BTNL8: variants seen among roughly 807,000 people sequenced by gnomAD.
The protein encoded by BTNL8 is butyrophilin-like protein 8.
Under a neutral mutation model 36.1 loss-of-function variants are expected in BTNL8, and 22 were observed. That is an observed-to-expected ratio of 0.61 (90% confidence interval 0.44 to 0.87). BTNL8 has a LOEUF of 0.87. Ranked by LOEUF, BTNL8 falls within the 40% of genes least tolerant of loss-of-function variation. The pLI, the probability that BTNL8 is intolerant of heterozygous loss-of-function variation, is 0.00. For missense variants in BTNL8, 526 were observed against 616.9 expected (o/e 0.85, Z 1.56); for synonymous variants, 203 against 235.6 (o/e 0.86, Z 1.27).
rs1171451126 is a variant in BTNL8, at chr5:180,945,801, C to G, written c.674-1711C>G. 9.8e-6 allele frequency: 5 copies of G among 511,608 alleles called. No individual in the cohort carries two copies. The Admixed American group carries it at 9.8e-5, about 10-fold the overall frequency. 31.7% of individuals were successfully genotyped at this position (511,608 alleles called of 1,614,324 possible). ...CTGGAGCCACTCATGAAAATTCGGTCAGGGTTCTTGCTCTTGTCGAGTCTG... is the reference window on the plus strand; with the variant it reads ...CTGGAGCCACTCATGAAAATTCGGTGAGGGTTCTTGCTCTTGTCGAGTCTG... On this transcript the variant is annotated intron_variant, in intron 3 of 7. Transcript: ENST00000340184.
chr5:180,946,730 T>C (rs929143478), intron 3 of BTNL8, among the ~76,000 whole-genome samples: 2 of 152,232 alleles, frequency 1.3e-5, no homozygotes, highest in African/African-American at 2.4e-5. Flanking sequence ...ATATATTGTA[T>C]ATTTCAGAAT....
rs1044515731 is a variant in BTNL8 at position 180,909,485 on chromosome 5, A to T, written c.397+552A>T. 5 of 954,656 alleles carry T rather than the reference A, an allele frequency of 5.2e-6. No individual in the cohort carries two copies. The African/African-American group carries it at 8.9e-5, about 17-fold the overall frequency. 59.1% of individuals were successfully genotyped at this position (954,656 alleles called of 1,614,324 possible). A position where few individuals can be genotyped will look rare whatever the true frequency, so the allele number is the denominator to read the frequency against. On this transcript the variant is annotated intron_variant, in intron 2 of 7. Coordinates refer to ENST00000340184, the MANE Select transcript of BTNL8 (RefSeq NM_001040462.3). ...TGTTTATCTGATACAGCAGGGAGCA[A>T]ACGTCAGCTCCAGGAAGCTGTGACT...
chr5:180,927,494 A>G (rs1758160121), intron 3 of BTNL8, among the ~76,000 whole-genome samples: 1 of 152,244 alleles, frequency 6.6e-6, no homozygotes, highest in African/African-American at 2.4e-5. Flanking sequence ...ATGAATTGAC[A>G]GAAGTAGGCT....
At chr5:180,914,694 T>C (rs917777771) in intron 3 of BTNL8, among the ~76,000 whole-genome samples, 18 of 152,146 alleles carry the variant, frequency 1.2e-4, no homozygotes, top group African/African-American at 4.3e-4. Flanking sequence ...AGTGACATGA[T>C]TAGGATGGTG....
intron 3 of BTNL8, 149 bp from the exon 4 acceptor site, chr5:180,947,363 A>G: frequency 8.7e-7 from 1 of 1,145,954 alleles, no homozygotes; most frequent in South Asian, 1.5e-5. Flanking sequence ...TCATTTTATA[A>G]CAAAAGTACA....
At chr5:180,937,900 T>G (rs1241949615) in intron 3 of BTNL8, among the ~76,000 whole-genome samples, 1 of 150,588 alleles carries the variant, frequency 6.6e-6, no homozygotes, top group East Asian at 2.0e-4. Flanking sequence ...AAAACAATTT[T>G]TCATCTAAAT....
chr5:180,909,752 A>C (rs1354000652), intron 2 of BTNL8: 2 of 234,542 alleles, frequency 8.5e-6, no homozygotes, highest in Non-Finnish European at 1.4e-5. Context: ...AGAAGGAAAA[A>C]ACAGAAATTT....
chr5:180,944,621 A>G (rs1759150973), intron 3 of BTNL8, among the ~76,000 whole-genome samples: 1 of 152,182 alleles, frequency 6.6e-6, no homozygotes, highest in Non-Finnish European at 1.5e-5. Context: ...TAGGGTAACT[A>G]TAATTACCAA....
At chr5:180,934,861 T>A (rs894520351) in intron 3 of BTNL8, among the ~76,000 whole-genome samples, 1 of 152,166 alleles carries the variant, frequency 6.6e-6, no homozygotes, top group Non-Finnish European at 1.5e-5. Flanking sequence ...CCTGTTTGTG[T>A]TACAGCTTTT....
In BTNL8 at chr5:180,947,586, G is replaced by T. The variant is rs754687088; in HGVS notation, c.748G>T (p.Gly250Cys). The change falls in exon 4 of 8, where the codon GGC (glycine) becomes TGC (cysteine). Residue 250 changes from glycine to cysteine, a missense_variant. This residue lies in a region of BTNL8 where 350 missense variants were observed against 324.6 expected (regional missense o/e 1.08). Transcript: ENST00000340184. ...LGILCCGLFFGIVGLKIFFSK... is the reference protein window; with the variant it reads ...LGILCCGLFFCIVGLKIFFSK... Reference sequence around the variant, plus strand: ...AATACTCTGCTGTGGCCTATTTTTTGGCATTGTTGGACTGAAGATTTTCTT... The same window carrying T: ...AATACTCTGCTGTGGCCTATTTTTTTGCATTGTTGGACTGAAGATTTTCTT... The T allele has an allele frequency of 6.2e-7, 1 of 1,614,106 alleles. No individual in the cohort carries two copies. The highest frequency in any genetic ancestry group is 8.5e-7 in the Non-Finnish European group (1 of 1,180,030).
At chr5:180,940,689 T>C (rs1758884673) in intron 3 of BTNL8, among the ~76,000 whole-genome samples, 1 of 151,614 alleles carries the variant, frequency 6.6e-6, no homozygotes, top group Non-Finnish European at 1.5e-5. Flanking sequence ...AAGATCCAAA[T>C]AAAGAAAATC....
intron 3 of BTNL8, among the ~76,000 whole-genome samples, chr5:180,936,545 T>C (rs1372394294): frequency 6.6e-6 from 1 of 152,172 alleles, no homozygotes; most frequent in East Asian, 1.9e-4. Flanking sequence ...TGGTTAAAAT[T>C]ATGGAAAATT....
At chr5:180,916,960 C>T (rs1348561482) in intron 3 of BTNL8, among the ~76,000 whole-genome samples, 2 of 152,162 alleles carry the variant, frequency 1.3e-5, no homozygotes, top group Non-Finnish European at 2.9e-5. Flanking sequence ...TAGACTACGG[C>T]ACTATGAAAA....
At position 180,899,304 on chromosome 5, in the gene BTNL8, C is replaced by T. The variant is rs751700865; in HGVS notation, c.-7C>T. The T allele has an allele frequency of 8.1e-6, 13 of 1,614,038 alleles. No individual in the cohort carries two copies. The East Asian group carries it at 2.5e-4, about 30-fold the overall frequency. ...CATGCCGTGAGGTCCATTCACAGAACACATCCATGGCTCTCATGCTCAGTT... is the reference window on the plus strand; with the variant it reads ...CATGCCGTGAGGTCCATTCACAGAATACATCCATGGCTCTCATGCTCAGTT... On this transcript the variant is annotated 5_prime_UTR_variant, in exon 1 of 8. Coordinates refer to ENST00000340184, the MANE Select transcript of BTNL8 (RefSeq NM_001040462.3).
intron 3 of BTNL8, among the ~76,000 whole-genome samples, chr5:180,941,188 G>T (rs1758930831): frequency 6.6e-6 from 1 of 151,828 alleles, no homozygotes; most frequent in African/African-American, 2.4e-5. Flanking sequence ...CCAACAAGTT[G>T]GAAAATGTAA....
intron 3 of BTNL8, among the ~76,000 whole-genome samples, chr5:180,939,805 A>C (rs918842439): frequency 6.6e-6 from 1 of 152,260 alleles, no homozygotes; most frequent in African/African-American, 2.4e-5. Flanking sequence ...TCTCATCAGC[A>C]CATGGAATAT....
At chr5:180,905,120 C>G (rs1757020269) in intron 1 of BTNL8, among the ~76,000 whole-genome samples, 1 of 151,022 alleles carries the variant, frequency 6.6e-6, no homozygotes. Context: ...CCTCCTTGTA[C>G]CTCTGGTAGA....
At chr5:180,942,016 C>A (rs1172439209) in intron 3 of BTNL8, among the ~76,000 whole-genome samples, 1 of 151,774 alleles carries the variant, frequency 6.6e-6, no homozygotes, top group African/African-American at 2.4e-5. Flanking sequence ...TCCCTGTTTG[C>A]AGACAACATG....
intron 3 of BTNL8, among the ~76,000 whole-genome samples, chr5:180,947,073 C>A (rs1195370945): frequency 2.0e-5 from 3 of 152,146 alleles, no homozygotes; most frequent in Non-Finnish European, 4.4e-5. Context: ...AGCAAAGTTG[C>A]CAAGGCACAA....
Sources: allele counts gnomAD v4.1 joint callset (sites outside exome capture counted in the v4.1 genomes callset), GRCh38; gene constraint gnomAD v4.1.1; regional missense constraint gnomAD v4.1.1; transcripts MANE v1.5; gene names NCBI Gene and HGNC (gene_info 2026-07-23, HGNC 2026-07-21).